The following STARD13 variants were observed in gnomAD, a reference collection of about 807,000 sequenced individuals.
The protein encoded by STARD13 is stAR-related lipid transfer protein 13.
STARD13 carries 62 observed loss-of-function variants against 106.4 expected under a neutral mutation model. That is an observed-to-expected ratio of 0.58 (90% CI 0.48 to 0.72). STARD13 has a LOEUF of 0.72. Ranked by LOEUF, STARD13 falls within the 30% of genes least tolerant of loss-of-function variation. The pLI is 0.00. For synonymous variants in STARD13, 565 were observed against 553.0 expected (o/e 1.02, Z -0.31); for missense variants, 1,387 against 1,424.0 (o/e 0.97, Z 0.42).
intron 1 of STARD13, among the ~76,000 whole-genome samples, chr13:33,177,913 AAGG>A (rs1884798389): frequency 3.7e-4 from 2 of 5,394 alleles, no homozygotes; most frequent in Non-Finnish European, 3.1e-4. Flanking sequence ...GAAGGAAAGG[AAGG>A]AAGGAAGGAA....
the STARD13 span, among the ~76,000 whole-genome samples, chr13:33,617,780 C>T: frequency 3.3e-5 from 5 of 152,132 alleles, no homozygotes; most frequent in South Asian, 4.1e-4. Flanking sequence ...GGCTTTACCT[C>T]GAAGAGCCCC....
rs565870119 is a variant in STARD13, at chr13:33,112,619, ATCC to A, written c.2492+99_2492+101del. On this transcript the variant is annotated intron_variant, in intron 9 of 13. Coordinates refer to ENST00000336934, the MANE Select transcript of STARD13 (RefSeq NM_178006.4). ...CTATCTATAATCTGTCTACCAATAT[ATCC>A]ATTCGTATCTATCTATCCATCCATC... 1.2e-3 allele frequency: 1,162 copies of A among 929,938 alleles called. 1 individual carries two copies. Among genetic ancestry groups the A allele is most frequent in the Non-Finnish European group, 1.7e-3 (1,058 of 611,904 alleles). The allele number at this position is 929,938 out of a possible 1,614,324, so 57.6% of individuals were successfully genotyped here. A position where few individuals can be genotyped will look rare whatever the true frequency, so the allele number is the denominator to read the frequency against.
At chr13:33,458,266 T>G in the STARD13 span, among the ~76,000 whole-genome samples, 1 of 145,636 alleles carries the variant, frequency 6.9e-6, no homozygotes, top group Non-Finnish European at 1.5e-5. Flanking sequence ...TTTGTTTGTT[T>G]GTTTTTTGTT....
At chr13:33,163,686 T>TATATATATATAACATATATATAAAAC (rs1566038825) in intron 3 of STARD13, among the ~76,000 whole-genome samples, 1,047 of 64,464 alleles carry the variant, frequency 0.016, 8 homozygotes, top group Middle Eastern at 0.049. Context: ...ATATAAAACA[T>TATATATATATAACATATATATAAAAC]ATATATATAT....
chr13:33,334,285 G>T (rs1229792629), intron 1 of STARD13, among the ~76,000 whole-genome samples: 2 of 152,152 alleles, frequency 1.3e-5, no homozygotes, highest in Admixed American at 1.3e-4. Context: ...GCAAGACAAA[G>T]TTTCTCTATT....
intron 3 of STARD13, among the ~76,000 whole-genome samples, chr13:33,150,659 C>T (rs1881154979): frequency 6.6e-6 from 1 of 152,196 alleles, no homozygotes; most frequent in Admixed American, 6.5e-5. Flanking sequence ...ATGATGAAGC[C>T]TGTCCTCTTC....
the STARD13 span, among the ~76,000 whole-genome samples, chr13:33,675,034 C>A: frequency 6.6e-6 from 1 of 152,212 alleles, no homozygotes; most frequent in Admixed American, 6.5e-5. Flanking sequence ...TCCTGGGTGT[C>A]CTGGCTGCAT....
chr13:33,430,776 GGA>G, the STARD13 span, among the ~76,000 whole-genome samples: 27 of 152,148 alleles, frequency 1.8e-4, no homozygotes, highest in Admixed American at 1.8e-3. Context: ...TAACATAGAT[GGA>G]ACTGGAGGTC....
chr13:33,565,249 G>A, the STARD13 span, among the ~76,000 whole-genome samples: 3 of 145,818 alleles, frequency 2.1e-5, 1 homozygote, highest in African/African-American at 7.6e-5. Context: ...GGGAAATGAA[G>A]ATTGATTGAT....
chr13:33,284,471 C>G (rs1213549106), intron 1 of STARD13, among the ~76,000 whole-genome samples: 2 of 152,022 alleles, frequency 1.3e-5, no homozygotes, highest in Non-Finnish European at 2.9e-5. Context: ...TTATTTAGCA[C>G]CAATATAATA....
At chr13:33,581,219 A>C in the STARD13 span, among the ~76,000 whole-genome samples, 1 of 152,214 alleles carries the variant, frequency 6.6e-6, no homozygotes, top group Non-Finnish European at 1.5e-5. Context: ...TGGTCCTAAA[A>C]TATAACAGTT....
chr13:33,165,503 G>T, intron 2 of STARD13, 85 bp from the exon 3 acceptor site: 1 of 1,031,278 alleles, frequency 9.7e-7, no homozygotes, highest in South Asian at 1.4e-5. Context: ...GTCTGTAAAA[G>T]CCACTGATTT....
chr13:33,320,360 G>C (rs76987321), intron 1 of STARD13, among the ~76,000 whole-genome samples: 9 of 152,272 alleles, frequency 5.9e-5, no homozygotes, highest in East Asian at 1.9e-4. Context: ...GGACTGTTCT[G>C]ACATCAAGGC....
At chr13:33,459,092 T>C in the STARD13 span, among the ~76,000 whole-genome samples, 3 of 152,178 alleles carry the variant, frequency 2.0e-5, no homozygotes, top group African/African-American at 4.8e-5. Context: ...TTACAGCCTA[T>C]TGAGGTACAA....
intron 1 of STARD13, among the ~76,000 whole-genome samples, chr13:33,314,789 A>T (rs1426829033): frequency 6.6e-6 from 1 of 152,202 alleles, no homozygotes; most frequent in Non-Finnish European, 1.5e-5. Flanking sequence ...CTTCCCCAGT[A>T]CTAGCTTGCA....
chr13:33,133,691 G>C (rs991084557), intron 4 of STARD13, among the ~76,000 whole-genome samples: 1 of 150,034 alleles, frequency 6.7e-6, no homozygotes, highest in Admixed American at 6.6e-5. Context: ...AATTATCCTT[G>C]TTTGTTTGTA....
At chr13:33,583,053 A>C in the STARD13 span, among the ~76,000 whole-genome samples, 1 of 152,230 alleles carries the variant, frequency 6.6e-6, no homozygotes, top group Non-Finnish European at 1.5e-5. Context: ...TGTGAACTGC[A>C]TGTTTGGAAG....
upstream of STARD13, among the ~76,000 whole-genome samples, chr13:33,289,444 T>C (rs957160339): frequency 6.6e-6 from 1 of 152,192 alleles, no homozygotes; most frequent in African/African-American, 2.4e-5. Context: ...CAGCTATCAC[T>C]GGAGGTATCT....
chr13:33,544,124 A>G, the STARD13 span, among the ~76,000 whole-genome samples: 1 of 152,224 alleles, frequency 6.6e-6, no homozygotes, highest in Non-Finnish European at 1.5e-5. Flanking sequence ...GTTAAATTAG[A>G]AATGACTAAA....
Sources: gnomAD v4.1 joint callset for allele counts (sites outside exome capture counted in the v4.1 genomes callset) on GRCh38, gnomAD v4.1.1 for gene constraint, MANE v1.5 for transcripts, NCBI Gene and HGNC (gene_info 2026-07-23, HGNC 2026-07-21) for gene names.